The following ANKS1B variants were observed in gnomAD, a reference collection of about 807,000 sequenced individuals.
The protein encoded by ANKS1B is ankyrin repeat and sterile alpha motif domain containing 1B, also known as ankyrin repeat and sterile alpha motif domain-containing protein 1B.
Under a neutral mutation model 148.3 loss-of-function variants are expected in ANKS1B, and 36 were observed. That is an observed-to-expected ratio of 0.24 (90% CI 0.19 to 0.32). The LOEUF (loss-of-function observed/expected upper bound fraction) is 0.32, where lower values mean the gene tolerates loss of function less well. Ranked by LOEUF, ANKS1B falls within the 10% of genes least tolerant of loss-of-function variation. ANKS1B has a pLI of 1.00. For missense variants in ANKS1B, 1,157 were observed against 1,542.6 expected, an observed-to-expected ratio of 0.75 and a Z score of 4.19; for synonymous variants, 542 against 560.8, an observed-to-expected ratio of 0.97 and a Z score of 0.47.
chr12:98,750,122 C>T (rs1038365844), intron 26 of ANKS1B, among the ~76,000 whole-genome samples: 3 of 152,040 alleles, frequency 2.0e-5, no homozygotes, highest in Non-Finnish European at 4.4e-5. Flanking sequence ...AAGCTGGCCA[C>T]GTGAGTCTGG....
intron 25 of ANKS1B, among the ~76,000 whole-genome samples, chr12:98,765,171 G>A (rs555320489): frequency 6.6e-6 from 1 of 152,336 alleles, no homozygotes; most frequent in South Asian, 2.1e-4. Flanking sequence ...TGCTGGAAAT[G>A]CGTATGTGTC....
At chr12:99,077,386 G>C (rs1354510386) in intron 16 of ANKS1B, among the ~76,000 whole-genome samples, 1 of 152,198 alleles carries the variant, frequency 6.6e-6, no homozygotes, top group Non-Finnish European at 1.5e-5. Flanking sequence ...AATGAGGGTA[G>C]ATGGAGAGTG....
intron 1 of ANKS1B, among the ~76,000 whole-genome samples, chr12:99,963,249 T>C (rs1246147845): frequency 6.6e-6 from 1 of 152,236 alleles, no homozygotes; most frequent in Non-Finnish European, 1.5e-5. Flanking sequence ...TTCTGGCTAT[T>C]AGACCTTTGT....
At chr12:99,145,604 A>C (rs2072774083) in intron 15 of ANKS1B, among the ~76,000 whole-genome samples, 1 of 152,118 alleles carries the variant, frequency 6.6e-6, no homozygotes, top group Non-Finnish European at 1.5e-5. Context: ...CTTGACAAGC[A>C]GAGCAAGCAA....
At chr12:98,951,946 C>G (rs2099854700) in intron 17 of ANKS1B, among the ~76,000 whole-genome samples, 2 of 152,134 alleles carry the variant, frequency 1.3e-5, no homozygotes, top group South Asian at 4.1e-4. Context: ...GGTCAATTGC[C>G]TGTCACAGTA....
chr12:99,459,387 T>C (rs1313387726), intron 10 of ANKS1B, among the ~76,000 whole-genome samples: 3 of 151,964 alleles, frequency 2.0e-5, no homozygotes, highest in Admixed American at 2.0e-4. Context: ...CTATTAAACA[T>C]AGTACTGGAA....
chr12:98,760,862 G>A (rs962132759), intron 25 of ANKS1B, among the ~76,000 whole-genome samples: 1 of 152,204 alleles, frequency 6.6e-6, no homozygotes, highest in African/African-American at 2.4e-5. Flanking sequence ...TCTTGTAGCT[G>A]TGCAAAGTTT....
chr12:99,045,859 G>T (rs2099961990), intron 17 of ANKS1B, among the ~76,000 whole-genome samples: 1 of 152,174 alleles, frequency 6.6e-6, no homozygotes, highest in Non-Finnish European at 1.5e-5. Flanking sequence ...GAAGGAGTCT[G>T]CAAGACTCCT....
intron 11 of ANKS1B, among the ~76,000 whole-genome samples, chr12:99,404,617 A>G (rs1410967371): frequency 6.9e-6 from 1 of 145,566 alleles, no homozygotes; most frequent in Non-Finnish European, 1.5e-5. Context: ...GACAAAAGAA[A>G]AAAGAATAAA....
rs1244026912 is a variant in ANKS1B, at chr12:99,347,886, A to G, written c.1756+51745T>C. 2.6e-5 allele frequency among the ~76,000 whole-genome samples: 4 copies of G among 152,174 alleles called. No individual in the cohort carries two copies. The East Asian group carries it at 7.7e-4, about 29-fold the overall frequency. On this transcript the variant is annotated intron_variant, in intron 12 of 26. Transcript: ENST00000683438. Reference sequence around the variant, plus strand: ...GTCCCTGAGGAATCCTAGACACTAGATTTACTAGACAAAGAGATTAAATCA... The same window carrying G: ...GTCCCTGAGGAATCCTAGACACTAGGTTTACTAGACAAAGAGATTAAATCA...
intron 14 of ANKS1B, among the ~76,000 whole-genome samples, chr12:99,178,632 T>A (rs748627609): frequency 1.3e-5 from 2 of 152,228 alleles, no homozygotes; most frequent in East Asian, 3.8e-4. Context: ...ACCTTTTAAA[T>A]GTTTGTTCCC....
chr12:99,786,971 G>A lies in ANKS1B; in HGVS notation c.670-4874C>T, dbSNP rs376496370. 5.1e-4 allele frequency among the ~76,000 whole-genome samples: 77 copies of A among 152,102 alleles called. 1 individual carries two copies. Among genetic ancestry groups the A allele is most frequent in the African/African-American group, 1.8e-3 (76 of 41,492 alleles). On this transcript the variant is annotated intron_variant, in intron 4 of 26. Coordinates refer to ENST00000683438, the MANE Select transcript of ANKS1B (RefSeq NM_001352186.2). ...TACATATGTGATAAATAAGATGAAAGAACTAGAACAAAAGAATAATTATCA... is the reference window on the plus strand; with the variant it reads ...TACATATGTGATAAATAAGATGAAAAAACTAGAACAAAAGAATAATTATCA...
At chr12:99,369,974 CTG>C (rs1295566991) in intron 12 of ANKS1B, among the ~76,000 whole-genome samples, 27 of 152,194 alleles carry the variant, frequency 1.8e-4, no homozygotes, top group Admixed American at 1.4e-3. Context: ...TTCAACTTGA[CTG>C]TTTGAAAATT....
At chr12:99,075,003 T>A (rs1481290384) in intron 16 of ANKS1B, among the ~76,000 whole-genome samples, 1 of 152,126 alleles carries the variant, frequency 6.6e-6, no homozygotes, top group African/African-American at 2.4e-5. Flanking sequence ...AGAGAGAAGA[T>A]GTTGTAAAGA....
intron 14 of ANKS1B, among the ~76,000 whole-genome samples, chr12:99,160,480 A>G (rs2076538681): frequency 6.7e-6 from 1 of 148,960 alleles, no homozygotes; most frequent in Admixed American, 6.7e-5. Flanking sequence ...CTGGAACTAC[A>G]GGCACCCACC....
chr12:98,952,865 T>A (rs1000559530), intron 17 of ANKS1B, among the ~76,000 whole-genome samples: 3 of 152,182 alleles, frequency 2.0e-5, no homozygotes, highest in Non-Finnish European at 4.4e-5. Flanking sequence ...TTAACTTCCT[T>A]TATTTTTTTA....
At chr12:98,872,743 C>T (rs1380746665) in intron 17 of ANKS1B, among the ~76,000 whole-genome samples, 1 of 152,130 alleles carries the variant, frequency 6.6e-6, no homozygotes, top group African/African-American at 2.4e-5. Flanking sequence ...GATCAGCTGA[C>T]ACCTTGCTGA....
At chr12:98,887,261 T>A (rs1233786128) in intron 17 of ANKS1B, among the ~76,000 whole-genome samples, 2 of 152,252 alleles carry the variant, frequency 1.3e-5, no homozygotes, top group Admixed American at 6.5e-5. Flanking sequence ...TGATTCCAAC[T>A]CTGAGGTGGA....
intron 8 of ANKS1B, among the ~76,000 whole-genome samples, chr12:99,698,989 CGCAA>C (rs1354535780): frequency 7.3e-6 from 1 of 137,432 alleles, no homozygotes; most frequent in African/African-American, 2.6e-5. Flanking sequence ...CACGCACGTG[CGCAA>C]GCACATGTGC....
Sources: gnomAD v4.1 joint callset for allele counts (sites outside exome capture counted in the v4.1 genomes callset) on GRCh38, gnomAD v4.1.1 for gene constraint, MANE v1.5 for transcripts, NCBI Gene and HGNC (gene_info 2026-07-23, HGNC 2026-07-21) for gene names.